The following ARHGEF3 variants were observed in gnomAD, a reference collection of about 807,000 sequenced individuals.
ARHGEF3 encodes 59.8 kDA protein.
Under a neutral mutation model 63.2 loss-of-function variants are expected in ARHGEF3, and 28 were observed. That is an observed-to-expected ratio of 0.44 (90% CI 0.33 to 0.61). The LOEUF (loss-of-function observed/expected upper bound fraction) is 0.61, where lower values mean the gene tolerates loss of function less well. Among genes scored for constraint, ARHGEF3 ranks in the 20% least tolerant of loss-of-function variants. The pLI, the probability that ARHGEF3 is intolerant of heterozygous loss-of-function variation, is 0.03. For missense variants in ARHGEF3, 533 were observed against 659.3 expected (o/e 0.81, Z 2.10); for synonymous variants, 266 against 254.2 (o/e 1.05, Z -0.44).
chr3:57,042,841 C>T lies in ARHGEF3; in HGVS notation c.-27-7665G>A, dbSNP rs868691207. 3.3e-5 allele frequency among the ~76,000 whole-genome samples: 5 copies of T among 150,034 alleles called. No homozygotes were observed. The South Asian group carries it at 8.5e-4, about 25-fold the overall frequency. On this transcript the variant is annotated intron_variant, in intron 1 of 12. Coordinates refer to the ARHGEF3 transcript ENST00000338458. ...CCTCCCAAGTACCTGGGACTACAGGCGCCCGCCACCATGCTCAGCTAGTTT... is the reference window on the plus strand; with the variant it reads ...CCTCCCAAGTACCTGGGACTACAGGTGCCCGCCACCATGCTCAGCTAGTTT...
chr3:56,744,987 T>C (rs2034287608), intron 7 of ARHGEF3, among the ~76,000 whole-genome samples: 2 of 152,160 alleles, frequency 1.3e-5, no homozygotes, highest in Admixed American at 1.3e-4. Context: ...TACAGCGTGT[T>C]TCATGTAAGC....
intron 3 of ARHGEF3, among the ~76,000 whole-genome samples, chr3:56,922,153 A>G (rs2042160004): frequency 6.6e-6 from 1 of 151,950 alleles, no homozygotes; most frequent in Admixed American, 6.6e-5. Context: ...CTCCTTGACT[A>G]ACACAAGAAG....
intron 1 of ARHGEF3, among the ~76,000 whole-genome samples, chr3:56,799,041 AAATAC>A (rs1173828694): frequency 6.6e-6 from 1 of 152,278 alleles, no homozygotes; most frequent in Non-Finnish European, 1.5e-5. Flanking sequence ...AAGAAAATAA[AAATAC>A]ATTTTAAAAA....
chr3:56,995,314 G>C (rs1308417303), intron 2 of ARHGEF3, among the ~76,000 whole-genome samples: 1 of 152,034 alleles, frequency 6.6e-6, no homozygotes, highest in Non-Finnish European at 1.5e-5. Flanking sequence ...TTAGGACTTT[G>C]ACAACTGTCC....
intron 1 of ARHGEF3, chr3:56,775,824 C>A: frequency 3.0e-5 from 8 of 266,146 alleles, no homozygotes; most frequent in Non-Finnish European, 3.4e-5. Context: ...ACACACACTG[C>A]CTCTTAAGCA....
chr3:56,750,656 T>A (rs1038043068), intron 6 of ARHGEF3, among the ~76,000 whole-genome samples: 6 of 151,350 alleles, frequency 4.0e-5, no homozygotes. Context: ...AATTTTTTTT[T>A]AATAGCATGA....
intron 3 of ARHGEF3, among the ~76,000 whole-genome samples, chr3:56,886,645 A>C (rs967736565): frequency 9.9e-5 from 15 of 152,170 alleles, no homozygotes; most frequent in African/African-American, 2.2e-4. Flanking sequence ...ACTACTACTA[A>C]TAATTCACAC....
intron 2 of ARHGEF3, among the ~76,000 whole-genome samples, chr3:56,972,989 T>TCA (rs1402506929): frequency 1.3e-5 from 2 of 148,602 alleles, no homozygotes; most frequent in African/African-American, 5.0e-5. Context: ...GTGGGGGTGG[T>TCA]GAGGAGTAGT....
chr3:56,785,767 A>G (rs1405247020), intron 1 of ARHGEF3, among the ~76,000 whole-genome samples: 1 of 152,218 alleles, frequency 6.6e-6, no homozygotes, highest in Non-Finnish European at 1.5e-5. Flanking sequence ...CATCTCAGGC[A>G]AGCAAAGCTG....
chr3:56,781,639 C>T (rs892249099), intron 1 of ARHGEF3, among the ~76,000 whole-genome samples: 1 of 152,204 alleles, frequency 6.6e-6, no homozygotes, highest in African/African-American at 2.4e-5. Context: ...TTTGTTATAG[C>T]AGTCATAAGA....
At chr3:56,869,346 G>A (rs929731421) in intron 4 of ARHGEF3, among the ~76,000 whole-genome samples, 1 of 152,168 alleles carries the variant, frequency 6.6e-6, no homozygotes, top group Non-Finnish European at 1.5e-5. Context: ...TGAATGTTAT[G>A]CTTATAGAGA....
intron 2 of ARHGEF3, among the ~76,000 whole-genome samples, chr3:56,767,583 C>CAAAAAAAA (rs541314948): frequency 1.3e-5 from 1 of 77,438 alleles, no homozygotes; most frequent in Admixed American, 1.5e-4. Context: ...GACTCCGTCT[C>CAAAAAAAA]AAAAAAAAAA....
chr3:56,968,009 T>G (rs1207416234), intron 2 of ARHGEF3, among the ~76,000 whole-genome samples: 2 of 55,160 alleles, frequency 3.6e-5, no homozygotes, highest in African/African-American at 1.4e-4. Context: ...ATATATATTT[T>G]TAAATATAAA....
In ARHGEF3 at chr3:56,727,513, C is replaced by T. The variant is rs1004781331; in HGVS notation, c.*1757G>A. On this transcript the variant is annotated 3_prime_UTR_variant, in exon 10 of 10. Coordinates refer to ENST00000296315, the MANE Select transcript of ARHGEF3 (RefSeq NM_019555.3). ...TTTCATCAAAACATTCATTGACCAC[C>T]TTCCCATAGGCCAACACTTGACAAA... 1 of 152,608 alleles carries T rather than the reference C, an allele frequency of 6.6e-6. No homozygotes were observed. Among genetic ancestry groups the T allele is most frequent in the Non-Finnish European group, 1.5e-5 (1 of 68,020 alleles). The allele number at this position is 152,608 out of a possible 1,614,324, so 9.5% of individuals were successfully genotyped here. A position where few individuals can be genotyped will look rare whatever the true frequency, so the allele number is the denominator to read the frequency against.
intron 4 of ARHGEF3, among the ~76,000 whole-genome samples, chr3:56,834,455 A>AT (rs2039038946): frequency 6.6e-6 from 1 of 152,168 alleles, no homozygotes; most frequent in Non-Finnish European, 1.5e-5. Context: ...ATCTGATACT[A>AT]TGTATGTATT....
chr3:57,012,544 C>T (rs568157191), intron 2 of ARHGEF3, among the ~76,000 whole-genome samples: 1 of 152,348 alleles, frequency 6.6e-6, no homozygotes, highest in African/African-American at 2.4e-5. Context: ...CAGGCGTGAG[C>T]CACTGCACGT....
chr3:56,778,626 G>C (rs1217715530), intron 1 of ARHGEF3, among the ~76,000 whole-genome samples: 1 of 152,060 alleles, frequency 6.6e-6, no homozygotes, highest in Non-Finnish European at 1.5e-5. Flanking sequence ...TCAACCTCCT[G>C]GGCTCAAGCA....
At chr3:56,748,351 A>G (rs1287160323) in intron 6 of ARHGEF3, among the ~76,000 whole-genome samples, 1 of 152,112 alleles carries the variant, frequency 6.6e-6, no homozygotes, top group Non-Finnish European at 1.5e-5. Context: ...TTTATTGAAG[A>G]AACTGTCGTT....
intron 2 of ARHGEF3, among the ~76,000 whole-genome samples, chr3:56,766,138 T>C (rs1051093657): frequency 6.6e-6 from 1 of 152,174 alleles, no homozygotes; most frequent in African/African-American, 2.4e-5. Flanking sequence ...AGACAACTTT[T>C]ATCAAGTAGA....
Sources: allele counts gnomAD v4.1 joint callset (sites outside exome capture counted in the v4.1 genomes callset), GRCh38; gene constraint gnomAD v4.1.1; transcripts MANE v1.5; gene names NCBI Gene and HGNC (gene_info 2026-07-23, HGNC 2026-07-21).